Variants in XYLB observed in about 807,000 individuals in gnomAD.
XYLB encodes xylulose kinase.
Under a neutral mutation model 78.7 loss-of-function variants are expected in XYLB, and 62 were observed. The observed-to-expected ratio is 0.79, with a 90% CI of 0.64 to 0.97. The LOEUF (loss-of-function observed/expected upper bound fraction) is 0.97, where lower values mean the gene tolerates loss of function less well. XYLB is among the 50% of genes least tolerant of loss of function. The pLI, the probability that XYLB is intolerant of heterozygous loss-of-function variation, is 0.00. For synonymous variants in XYLB, 245 were observed against 247.4 expected (o/e 0.99, Z 0.09); for missense variants, 687 against 676.8 (o/e 1.02, Z -0.17).
chr3:38,355,899 C>A, intron 2 of XYLB: 1 of 652,774 alleles, frequency 1.5e-6, no homozygotes, highest in Non-Finnish European at 2.7e-6. Flanking sequence ...TGTATCAAGC[C>A]ATAGAAATGT....
intron 18 of XYLB, among the ~76,000 whole-genome samples, chr3:38,409,543 T>G (rs186700592): frequency 1.3e-5 from 2 of 152,136 alleles, no homozygotes; most frequent in Non-Finnish European, 2.9e-5. Flanking sequence ...CCAGGGCAAT[T>G]AGGCAGGAGA....
chr3:38,420,234 T>A (rs1411041211), exon 18 of XYLB, among the ~76,000 whole-genome samples: 1 of 152,250 alleles, frequency 6.6e-6, no homozygotes, highest in Non-Finnish European at 1.5e-5. Context: ...TCATGTCATG[T>A]CATCTATAAA....
At chr3:38,412,694 A>C (rs542769336) in intron 18 of XYLB, among the ~76,000 whole-genome samples, 1 of 152,210 alleles carries the variant, frequency 6.6e-6, no homozygotes, top group African/African-American at 2.4e-5. Context: ...AATTTTTTTG[A>C]AATTTTGTAG....
At chr3:38,400,805 C>A in intron 17 of XYLB, 86 bp from the exon 18 acceptor site, 1 of 1,104,390 alleles carries the variant, frequency 9.1e-7, no homozygotes, top group African/African-American at 1.6e-5. Context: ...GAACAGTTTG[C>A]CACCCCAGTG....
At chr3:38,439,850 C>T in the XYLB span, among the ~76,000 whole-genome samples, 100,626 of 151,948 alleles carry the variant, frequency 0.66, 33,426 homozygotes, top group Middle Eastern at 0.72. Flanking sequence ...TATCGCTGAC[C>T]GGTTAGTGTA....
At chr3:38,395,663 T>A (rs1707841625) in intron 16 of XYLB, 100 bp downstream of exon 16, 1 of 1,279,478 alleles carries the variant, frequency 7.8e-7, no homozygotes, top group South Asian at 1.2e-5. Flanking sequence ...TTCCCACTCC[T>A]GCAGGAATGG....
chr3:38,376,403 G>A (rs1290539814), intron 13 of XYLB, among the ~76,000 whole-genome samples, 171 bp downstream of exon 13: 1 of 152,236 alleles, frequency 6.6e-6, no homozygotes, highest in Non-Finnish European at 1.5e-5. Flanking sequence ...GTGGAACCCT[G>A]TGTTCTGAGC....
intron 2 of XYLB, among the ~76,000 whole-genome samples, chr3:38,349,270 A>G (rs1251527761): frequency 6.6e-6 from 1 of 152,200 alleles, no homozygotes; most frequent in Non-Finnish European, 1.5e-5. Flanking sequence ...GAGCAGAGAG[A>G]GGCGGAGGCT....
At chr3:38,363,449 A>AGTGCAT (rs140614992) in intron 4 of XYLB, among the ~76,000 whole-genome samples, 9 of 151,994 alleles carry the variant, frequency 5.9e-5, no homozygotes, top group East Asian at 1.9e-4. Flanking sequence ...ACATTGACTG[A>AGTGCAT]GCACTTAGTG....
chr3:38,381,484 T>G (rs1452766923), intron 15 of XYLB, among the ~76,000 whole-genome samples: 1 of 152,240 alleles, frequency 6.6e-6, no homozygotes, highest in Non-Finnish European at 1.5e-5. Context: ...ATAAGAGAGA[T>G]AACCTTAAAC....
chr3:38,426,112 G>A (rs1176913095), downstream of XYLB, among the ~76,000 whole-genome samples: 1 of 152,176 alleles, frequency 6.6e-6, no homozygotes, highest in Non-Finnish European at 1.5e-5. Context: ...TGCTGTCACA[G>A]CTACTGCCGC....
intron 14 of XYLB, among the ~76,000 whole-genome samples, chr3:38,377,636 G>C (rs1262844450): frequency 6.6e-6 from 1 of 151,728 alleles, no homozygotes; most frequent in African/African-American, 2.4e-5. Flanking sequence ...TTAGTAGATA[G>C]GGGTTTCTCC....
intron 15 of XYLB, among the ~76,000 whole-genome samples, chr3:38,384,368 T>C (rs1707288586): frequency 6.6e-6 from 1 of 152,146 alleles, no homozygotes; most frequent in South Asian, 2.1e-4. Context: ...GCCTGGCCAT[T>C]GTTCTTGGTT....
chr3:38,399,272 A>C (rs1238997321), intron 17 of XYLB, among the ~76,000 whole-genome samples: 5 of 151,486 alleles, frequency 3.3e-5, no homozygotes, highest in African/African-American at 1.2e-4. Flanking sequence ...CACCTGGCTA[A>C]TTTTTGTAGA....
rs772319679 is a variant in XYLB at position 38,348,522 on chromosome 3, A to G, written c.58-28A>G. On this transcript the variant is annotated intron_variant, in intron 1 of 18. Coordinates refer to ENST00000207870, the MANE Select transcript of XYLB (RefSeq NM_005108.4). Reference sequence around the variant, plus strand: ...CAGTGTAGAAGCTGAGGAAAATTCTACACTTCCTTTTTTAAAATGCCTTTC... The same window carrying G: ...CAGTGTAGAAGCTGAGGAAAATTCTGCACTTCCTTTTTTAAAATGCCTTTC... The G allele has an allele frequency of 1.7e-5, 28 of 1,612,156 alleles. No homozygotes were observed. The South Asian group carries it at 2.9e-4, about 16-fold the overall frequency.
chr3:38,447,166 A>G, the XYLB span, among the ~76,000 whole-genome samples: 4 of 152,234 alleles, frequency 2.6e-5, no homozygotes, highest in African/African-American at 9.6e-5. Flanking sequence ...CAGCATATGA[A>G]AAAATGCTCA....
intron 15 of XYLB, among the ~76,000 whole-genome samples, chr3:38,390,925 G>A (rs1186178390): frequency 6.6e-6 from 1 of 152,096 alleles, no homozygotes; most frequent in Admixed American, 6.6e-5. Flanking sequence ...CTCGGGTTAA[G>A]AAATAGAACA....
chr3:38,409,987 C>G (rs184790528), intron 18 of XYLB, among the ~76,000 whole-genome samples: 1 of 152,196 alleles, frequency 6.6e-6, no homozygotes, highest in Admixed American at 6.5e-5. Context: ...CAATGCCATC[C>G]CCATCAAGCT....
intron 3 of XYLB, 54 bp from the exon 4 acceptor site, chr3:38,362,883 G>A (rs1231030082): frequency 2.1e-5 from 29 of 1,394,806 alleles, no homozygotes; most frequent in Middle Eastern, 1.9e-4. Context: ...TGAGGCTTGC[G>A]TGTCTGATTC....
Sources: allele counts gnomAD v4.1 joint callset (sites outside exome capture counted in the v4.1 genomes callset), GRCh38; gene constraint gnomAD v4.1.1; transcripts MANE v1.5; gene names NCBI Gene and HGNC (gene_info 2026-07-23, HGNC 2026-07-21).